Variants in NRG3 observed in about 807,000 individuals in gnomAD.
NRG3 encodes the protein neuregulin 3.
Under a neutral mutation model 66.9 loss-of-function variants are expected in NRG3, and 31 were observed. The ratio of observed to expected loss-of-function variants is 0.46; its 90% CI spans 0.35 to 0.63. The LOEUF (loss-of-function observed/expected upper bound fraction) is 0.63, where lower values mean the gene tolerates loss of function less well. NRG3 is among the 20% of genes least tolerant of loss of function. NRG3 has a pLI of 0.00. For missense variants in NRG3, 910 were observed against 878.9 expected (o/e 1.04, Z -0.45); for synonymous variants, 393 against 359.4 (o/e 1.09, Z -1.06).
chr10:82,116,556 A>G (rs928464794), intron 1 of NRG3, among the ~76,000 whole-genome samples: 2 of 152,194 alleles, frequency 1.3e-5, no homozygotes, highest in Non-Finnish European at 2.9e-5. Context: ...AGGATCTCAT[A>G]TAAGTGCATT....
chr10:82,016,498 A>G (rs960482092), intron 1 of NRG3, among the ~76,000 whole-genome samples: 1 of 151,854 alleles, frequency 6.6e-6, no homozygotes, highest in African/African-American at 2.4e-5. Flanking sequence ...CTAAGGCTCA[A>G]TGAGGAAGGG....
intron 1 of NRG3, chr10:81,889,541 C>G (rs1031471942): frequency 6.6e-6 from 1 of 152,172 alleles, no homozygotes; most frequent in African/African-American, 2.4e-5. Context: ...TCATCACTCT[C>G]GCCTGCTCAG....
chr10:82,521,146 A>G (rs1372488755), intron 2 of NRG3, among the ~76,000 whole-genome samples: 1 of 152,192 alleles, frequency 6.6e-6, no homozygotes, highest in Non-Finnish European at 1.5e-5. Flanking sequence ...TATTTATACT[A>G]TACTGTCGTT....
At chr10:82,891,919 C>T (rs540591941) in intron 4 of NRG3, among the ~76,000 whole-genome samples, 2 of 152,016 alleles carry the variant, frequency 1.3e-5, no homozygotes, top group Admixed American at 6.5e-5. Flanking sequence ...AAGCTATCTG[C>T]TATTGCAGTA....
At chr10:82,340,610 A>T (rs2082636866) in intron 1 of NRG3, among the ~76,000 whole-genome samples, 1 of 152,230 alleles carries the variant, frequency 6.6e-6, no homozygotes, top group South Asian at 2.1e-4. Flanking sequence ...CAATGTTTAG[A>T]CATTAATTCA....
intron 3 of NRG3, 48 bp from the exon 4 acceptor site, chr10:82,865,363 T>C: frequency 1.9e-6 from 3 of 1,604,074 alleles, no homozygotes; most frequent in Non-Finnish European, 2.6e-6. Flanking sequence ...TTTTCTAACC[T>C]TTTTCTCTTT....
intron 1 of NRG3, among the ~76,000 whole-genome samples, chr10:82,150,091 C>T (rs1213303703): frequency 2.6e-5 from 4 of 152,106 alleles, no homozygotes; most frequent in African/African-American, 9.7e-5. Context: ...AGCCCTGGTA[C>T]CCCTGGACCA....
At chr10:82,708,228 G>A (rs2056442190) in intron 2 of NRG3, among the ~76,000 whole-genome samples, 1 of 152,016 alleles carries the variant, frequency 6.6e-6, no homozygotes, top group Non-Finnish European at 1.5e-5. Context: ...TGTCCTAAGT[G>A]TTTTGTATGA....
At chr10:82,902,766 T>G (rs182440140) in intron 4 of NRG3, among the ~76,000 whole-genome samples, 1 of 152,186 alleles carries the variant, frequency 6.6e-6, no homozygotes, top group African/African-American at 2.4e-5. Context: ...AACATGGGTT[T>G]GAACTGTCTC....
intron 3 of NRG3, among the ~76,000 whole-genome samples, chr10:82,779,238 A>G (rs1351411656): frequency 6.6e-6 from 1 of 152,104 alleles, no homozygotes; most frequent in Non-Finnish European, 1.5e-5. Flanking sequence ...AACAAAGATT[A>G]TAGGTATCCA....
intron 2 of NRG3, among the ~76,000 whole-genome samples, chr10:82,685,417 T>C (rs554693029): frequency 3.3e-5 from 5 of 152,150 alleles, no homozygotes; most frequent in Non-Finnish European, 5.9e-5. Context: ...AACTAAGTAC[T>C]CTTGGTCTGG....
intron 3 of NRG3, among the ~76,000 whole-genome samples, chr10:82,761,860 TC>T (rs1341914996): frequency 2.0e-5 from 3 of 151,618 alleles, no homozygotes; most frequent in South Asian, 2.1e-4. Flanking sequence ...TGTATTTTTT[TC>T]TTTTTCCTTT....
intron 1 of NRG3, among the ~76,000 whole-genome samples, chr10:81,979,318 C>T (rs1175474846): frequency 6.6e-6 from 1 of 152,036 alleles, no homozygotes; most frequent in Non-Finnish European, 1.5e-5. Flanking sequence ...GTTATGGCTT[C>T]CACCCTAACA....
At chr10:82,115,937 G>T (rs2067684198) in intron 1 of NRG3, among the ~76,000 whole-genome samples, 1 of 152,052 alleles carries the variant, frequency 6.6e-6, no homozygotes, top group Admixed American at 6.6e-5. Flanking sequence ...TCCCTGCAGA[G>T]AAAATCTGTG....
intron 1 of NRG3, among the ~76,000 whole-genome samples, chr10:82,184,268 G>T (rs2073646127): frequency 1.3e-5 from 2 of 152,136 alleles, no homozygotes; most frequent in Admixed American, 1.3e-4. Flanking sequence ...GTACAAATCA[G>T]CTGCTTAGTT....
chr10:82,802,861 G>A (rs368496865), intron 3 of NRG3, among the ~76,000 whole-genome samples: 15 of 152,004 alleles, frequency 9.9e-5, no homozygotes, highest in East Asian at 5.8e-4. Context: ...TTATGGTAGG[G>A]ACAAGGCTTT....
chr10:82,970,838 G>A (rs1394292802), intron 6 of NRG3, among the ~76,000 whole-genome samples: 2 of 152,102 alleles, frequency 1.3e-5, no homozygotes, highest in Non-Finnish European at 2.9e-5. Flanking sequence ...AAAGGTTTTT[G>A]AATGTATTTC....
At chr10:82,455,609 C>T (rs1334784803) in intron 2 of NRG3, among the ~76,000 whole-genome samples, 1 of 150,910 alleles carries the variant, frequency 6.6e-6, no homozygotes, top group African/African-American at 2.4e-5. Flanking sequence ...TTAGATTACA[C>T]TAAACTTTTT....
intron 2 of NRG3, among the ~76,000 whole-genome samples, chr10:82,508,461 G>C (rs1368431142): frequency 6.6e-6 from 1 of 152,032 alleles, no homozygotes; most frequent in Non-Finnish European, 1.5e-5. Context: ...TCTGAAAATA[G>C]GCAACAGCAA....
Sources: gnomAD v4.1 joint callset for allele counts (sites outside exome capture counted in the v4.1 genomes callset) on GRCh38, gnomAD v4.1.1 for gene constraint, MANE v1.5 for transcripts, NCBI Gene and HGNC (gene_info 2026-07-23, HGNC 2026-07-21) for gene names.